ELMO1: variants seen among roughly 807,000 people sequenced by gnomAD.
The protein encoded by ELMO1 is engulfment and cell motility 1.
A neutral mutation model predicts 98.9 loss-of-function variants in ELMO1; 26 were observed. The observed-to-expected ratio is 0.26, with a 90% CI of 0.19 to 0.36. The LOEUF (loss-of-function observed/expected upper bound fraction) is 0.36, where lower values mean the gene tolerates loss of function less well. ELMO1 is among the 10% of genes least tolerant of loss of function. ELMO1 has a pLI of 1.00. For missense variants in ELMO1, 627 were observed against 935.2 expected (o/e 0.67, Z 4.30); for synonymous variants, 346 against 346.0 (o/e 1.00, Z 0.00).
chr7:37,254,399 C>T (rs577099060), intron 6 of ELMO1, among the ~76,000 whole-genome samples: 5 of 152,196 alleles, frequency 3.3e-5, no homozygotes, highest in Non-Finnish European at 7.3e-5. Flanking sequence ...ATTATAAATA[C>T]AGTCATGTGT....
chr7:37,423,585 AAAC>A (rs1362227634), intron 1 of ELMO1, among the ~76,000 whole-genome samples: 3 of 129,954 alleles, frequency 2.3e-5, no homozygotes, highest in Non-Finnish European at 3.1e-5. Flanking sequence ...GTCTCAAAGA[AAAC>A]AAACAAACAA....
chr7:36,980,004 G>C (rs532193510), intron 16 of ELMO1, among the ~76,000 whole-genome samples: 9 of 152,266 alleles, frequency 5.9e-5, no homozygotes, highest in African/African-American at 2.2e-4. Flanking sequence ...TCCAGGTCTG[G>C]GAATGATGCC....
chr7:37,051,976 A>C (rs540092783), intron 15 of ELMO1, among the ~76,000 whole-genome samples: 5 of 152,230 alleles, frequency 3.3e-5, no homozygotes, highest in Non-Finnish European at 7.3e-5. Flanking sequence ...AGAGGTCATT[A>C]AACAGCAGAG....
At chr7:37,412,119 A>G (rs1397019032) in intron 1 of ELMO1, among the ~76,000 whole-genome samples, 1 of 152,228 alleles carries the variant, frequency 6.6e-6, no homozygotes, top group Non-Finnish European at 1.5e-5. Flanking sequence ...CATTCAAACT[A>G]TGTGTTTATA....
chr7:36,971,799 G>T (rs765297433), intron 16 of ELMO1, among the ~76,000 whole-genome samples: 2 of 152,108 alleles, frequency 1.3e-5, no homozygotes, highest in Non-Finnish European at 2.9e-5. Flanking sequence ...GTGTCGGAGC[G>T]GGTCCTTTTC....
At chr7:37,220,784 T>A (rs1336058781) in intron 10 of ELMO1, among the ~76,000 whole-genome samples, 1 of 152,160 alleles carries the variant, frequency 6.6e-6, no homozygotes, top group Admixed American at 6.6e-5. Context: ...GCATGAACTT[T>A]CACCTCCTCT....
At chr7:37,211,283 A>G in intron 13 of ELMO1, 103 bp downstream of exon 13, 1 of 1,525,684 alleles carries the variant, frequency 6.6e-7, no homozygotes, top group Non-Finnish European at 8.9e-7. Flanking sequence ...CTATTCCGTA[A>G]AGCGCAAGAG....
intron 13 of ELMO1, among the ~76,000 whole-genome samples, chr7:37,170,960 G>T (rs1466933142): frequency 6.6e-6 from 1 of 152,000 alleles, no homozygotes; most frequent in Non-Finnish European, 1.5e-5. Flanking sequence ...AGATGTTAAT[G>T]CAAAATAAAC....
intron 15 of ELMO1, among the ~76,000 whole-genome samples, chr7:37,014,713 A>T (rs1193959334): frequency 6.6e-6 from 1 of 151,306 alleles, no homozygotes; most frequent in East Asian, 1.9e-4. Context: ...CTTCTGAGTG[A>T]GAACACAAGG....
intron 16 of ELMO1, among the ~76,000 whole-genome samples, chr7:36,981,700 C>T (rs1395362477): frequency 6.6e-6 from 1 of 152,178 alleles, no homozygotes; most frequent in African/African-American, 2.4e-5. Flanking sequence ...AGAAATGCCA[C>T]AGATGGATGA....
intron 15 of ELMO1, among the ~76,000 whole-genome samples, chr7:37,032,384 A>G (rs1794929898): frequency 6.6e-6 from 1 of 152,176 alleles, no homozygotes; most frequent in African/African-American, 2.4e-5. Context: ...TGGAGGCCTA[A>G]TACATCCAAT....
At chr7:37,264,175 G>A (rs551171447) in intron 5 of ELMO1, among the ~76,000 whole-genome samples, 1 of 152,302 alleles carries the variant, frequency 6.6e-6, no homozygotes, top group South Asian at 2.1e-4. Flanking sequence ...GCAGTGGAGT[G>A]TGTGTATCTG....
chr7:37,417,658 C>T (rs1343302260), intron 1 of ELMO1, among the ~76,000 whole-genome samples: 3 of 105,402 alleles, frequency 2.8e-5, no homozygotes, highest in Admixed American at 9.3e-5. Flanking sequence ...AGTAAGACTC[C>T]GTCACACACA....
intron 1 of ELMO1, among the ~76,000 whole-genome samples, chr7:37,420,680 T>A (rs1338225666): frequency 6.6e-6 from 1 of 152,190 alleles, no homozygotes; most frequent in Non-Finnish European, 1.5e-5. Context: ...GAAGACTTGG[T>A]GAACAGCAGA....
chr7:36,880,894 C>T (rs546491633), intron 18 of ELMO1, among the ~76,000 whole-genome samples: 2 of 152,306 alleles, frequency 1.3e-5, no homozygotes, highest in East Asian at 3.9e-4. Flanking sequence ...TTAAAGAAAA[C>T]CCAAAGGGTC....
intron 2 of ELMO1, among the ~76,000 whole-genome samples, chr7:37,337,868 GA>G (rs978143103): frequency 1.3e-5 from 2 of 149,594 alleles, no homozygotes; most frequent in African/African-American, 2.4e-5. Context: ...GGCCAAGATG[GA>G]AAAAAAAAAT....
At chr7:36,971,362 T>G (rs1441753758) in intron 16 of ELMO1, among the ~76,000 whole-genome samples, 2 of 152,106 alleles carry the variant, frequency 1.3e-5, no homozygotes, top group African/African-American at 4.8e-5. Context: ...TTGAAAGAGG[T>G]CTATTAAACA....
At chr7:37,146,833 T>G (rs1382527431) in intron 13 of ELMO1, among the ~76,000 whole-genome samples, 1 of 152,160 alleles carries the variant, frequency 6.6e-6, no homozygotes, top group East Asian at 1.9e-4. Context: ...ACTGATGGGC[T>G]TCACACCAGG....
intron 15 of ELMO1, among the ~76,000 whole-genome samples, chr7:37,092,835 G>A (rs1784186083): frequency 6.6e-6 from 1 of 151,986 alleles, no homozygotes; most frequent in Admixed American, 6.6e-5. Flanking sequence ...TGACTGAGCT[G>A]TGATTCCAAG....
Sources: allele counts gnomAD v4.1 joint callset (sites outside exome capture counted in the v4.1 genomes callset), GRCh38; gene constraint gnomAD v4.1.1; transcripts MANE v1.5; gene names NCBI Gene and HGNC (gene_info 2026-07-23, HGNC 2026-07-21).